Variants in LY86 observed in about 807,000 individuals in gnomAD.
The protein encoded by LY86 is lymphocyte antigen 86, also known as MD-1, RP105-associated.
In LY86, 20 loss-of-function variants were observed where a neutral mutation model predicts 17.3. The observed-to-expected ratio is 1.15, with a 90% CI of 0.81 to 1.68. The LOEUF is 1.68. Among genes scored for constraint, LY86 ranks in the 40% most tolerant of loss-of-function variants. The pLI is 0.00. For missense variants in LY86, 200 were observed against 191.9 expected (o/e 1.04, Z -0.25); for synonymous variants, 74 against 70.6 (o/e 1.05, Z -0.24).
intron 1 of LY86, among the ~76,000 whole-genome samples, chr6:6,606,600 G>A (rs903145806): frequency 6.6e-6 from 1 of 152,216 alleles, no homozygotes; most frequent in African/African-American, 2.4e-5. Flanking sequence ...CGGGCTGCAG[G>A]TCCCTAGCCC....
At position 6,654,934 on chromosome 6, in the gene LY86, T is replaced by G; in HGVS notation, c.*307T>G. 1 of 322,966 alleles carries G rather than the reference T, an allele frequency of 3.1e-6. No homozygotes were observed. Among genetic ancestry groups the G allele is most frequent in the Non-Finnish European group, 5.7e-6 (1 of 176,832 alleles). The allele number at this position is 322,966 out of a possible 1,614,324, so 20.0% of individuals were successfully genotyped here. A position where few individuals can be genotyped will look rare whatever the true frequency, so the allele number is the denominator to read the frequency against. On this transcript the variant is annotated 3_prime_UTR_variant, in exon 5 of 5. Coordinates refer to ENST00000230568, the MANE Select transcript of LY86 (RefSeq NM_004271.4). ...CCAGACTCACCTGCTTTTCAACTTTTTAGGAGTGCTTCCTCACAGTTACCA... is the reference window on the plus strand; with the variant it reads ...CCAGACTCACCTGCTTTTCAACTTTGTAGGAGTGCTTCCTCACAGTTACCA...
At chr6:6,614,377 C>CTTTTTTT (rs57187485) in intron 1 of LY86, among the ~76,000 whole-genome samples, 2 of 145,598 alleles carry the variant, frequency 1.4e-5, no homozygotes, top group Non-Finnish European at 1.5e-5. Flanking sequence ...AATCACGTCT[C>CTTTTTTT]TTTTTTTTTT....
At chr6:6,636,198 A>C (rs1392546671) in intron 3 of LY86, among the ~76,000 whole-genome samples, 1 of 152,210 alleles carries the variant, frequency 6.6e-6, no homozygotes, top group East Asian at 1.9e-4. Flanking sequence ...GGTTATGCAC[A>C]AGATTTGAAG....
At chr6:6,628,803 C>T (rs1318644014) in intron 3 of LY86, among the ~76,000 whole-genome samples, 1 of 152,232 alleles carries the variant, frequency 6.6e-6, no homozygotes, top group Non-Finnish European at 1.5e-5. Flanking sequence ...ACAATAGATA[C>T]TTGTTTTATT....
At position 6,624,875 on chromosome 6, in the gene LY86, T is replaced by C. The variant is rs371700147; in HGVS notation, c.137-51T>C. 10 of 830,508 alleles carry C rather than the reference T, an allele frequency of 1.2e-5. No individual in the cohort carries two copies. In the African/African-American group the frequency reaches 1.4e-4, roughly 12 times the overall value. The allele number at this position is 830,508 out of a possible 1,614,324, so 51.4% of individuals were successfully genotyped here. ...TATTGTTGCAAATTTTGAATATGTT[T>C]GCAAAATATACGATGTACTCGCAAC... is the stretch of plus-strand genomic sequence containing the variant. On this transcript the variant is annotated intron_variant, in intron 1 of 4. Coordinates refer to ENST00000230568, the MANE Select transcript of LY86 (RefSeq NM_004271.4).
intron 1 of LY86, among the ~76,000 whole-genome samples, chr6:6,594,371 T>C (rs1760635206): frequency 6.6e-6 from 1 of 152,238 alleles, no homozygotes; most frequent in South Asian, 2.1e-4. Context: ...ATGGAAATTA[T>C]CTGAAATTCA....
chr6:6,610,067 A>G lies in LY86; in HGVS notation c.137-14859A>G, dbSNP rs999986479. Among the ~76,000 whole-genome samples, 3 of 152,296 alleles carry G rather than the reference A, an allele frequency of 2.0e-5. No individual in the cohort carries two copies. The East Asian group carries it at 5.8e-4, about 29-fold the overall frequency. Reference sequence around the variant, plus strand: ...CTCCCAAAGTGTTGGAATTACACACATGAGCCACCACGCCCAGCCAGGATC... The same window carrying G: ...CTCCCAAAGTGTTGGAATTACACACGTGAGCCACCACGCCCAGCCAGGATC... On this transcript the variant is annotated intron_variant, in intron 1 of 4. Transcript: ENST00000230568.
intron 1 of LY86, among the ~76,000 whole-genome samples, chr6:6,620,080 A>G (rs1409802731): frequency 2.6e-5 from 4 of 152,158 alleles, no homozygotes; most frequent in African/African-American, 9.7e-5. Context: ...GAGGAAGACC[A>G]ATTTCTAACC....
chr6:6,624,258 G>C (rs1761738532), intron 1 of LY86, among the ~76,000 whole-genome samples: 1 of 152,114 alleles, frequency 6.6e-6, no homozygotes, highest in Non-Finnish European at 1.5e-5. Context: ...TAAGCCATTG[G>C]AGCTTTGTGA....
At chr6:6,605,855 G>C (rs527296340) in intron 1 of LY86, among the ~76,000 whole-genome samples, 1 of 151,720 alleles carries the variant, frequency 6.6e-6, no homozygotes, top group Non-Finnish European at 1.5e-5. Flanking sequence ...AGCTCTTAAG[G>C]GGGCATCTGG....
chr6:6,628,992 G>C (rs1248894744), intron 3 of LY86, among the ~76,000 whole-genome samples: 5 of 152,190 alleles, frequency 3.3e-5, no homozygotes, highest in African/African-American at 1.2e-4. Flanking sequence ...CCTGCGTATG[G>C]TTTTAATAGG....
At chr6:6,600,554 C>T (rs1286839289) in intron 1 of LY86, among the ~76,000 whole-genome samples, 1 of 122,980 alleles carries the variant, frequency 8.1e-6, no homozygotes, top group Non-Finnish European at 1.6e-5. Context: ...TGCACCATTG[C>T]ACTCCAGCCT....
rs1449646631 is a variant in LY86, at chr6:6,654,596, C to A, written c.458C>A (p.Ala153Asp). Residue 153 changes from alanine (A) to aspartate (D), a missense_variant, in exon 5 of 5, where the codon GCC becomes GAC. Physicochemically the swap from Ala to Asp is moderately radical, Grantham distance 126 (BLOSUM62 -2). Transcript: ENST00000230568. Reference sequence around the variant, plus strand: ...TACACTGAAAAACGGTCCACCGTGGCCTGTGCCAATGCTACTATCATGTGC... The same window carrying A: ...TACACTGAAAAACGGTCCACCGTGGACTGTGCCAATGCTACTATCATGTGC... ...ELYTEKRSTVACANATIMCS is the reference protein window; with the variant it reads ...ELYTEKRSTVDCANATIMCS The A allele has an allele frequency of 1.2e-6, 2 of 1,614,092 alleles. No individual in the cohort carries two copies. The highest frequency in any genetic ancestry group is 2.7e-5 in the African/African-American group (2 of 74,936).
chr6:6,606,063 C>G (rs112266968), intron 1 of LY86, among the ~76,000 whole-genome samples: 187 of 152,288 alleles, frequency 1.2e-3, no homozygotes, highest in African/African-American at 4.2e-3. Context: ...GCTGCTAGCG[C>G]GGGCAGCCTG....
At chr6:6,610,447 G>T (rs966551554) in intron 1 of LY86, among the ~76,000 whole-genome samples, 3 of 152,200 alleles carry the variant, frequency 2.0e-5, no homozygotes, top group African/African-American at 7.2e-5. Context: ...CACTGCCCTG[G>T]CCTCTGGGGC....
chr6:6,635,665 C>T (rs1761949344), intron 3 of LY86, among the ~76,000 whole-genome samples: 1 of 152,180 alleles, frequency 6.6e-6, no homozygotes, highest in African/African-American at 2.4e-5. Context: ...CTTTCCATCC[C>T]CGCACTTCAT....
chr6:6,617,675 C>T (rs1761586180), intron 1 of LY86, among the ~76,000 whole-genome samples: 1 of 152,182 alleles, frequency 6.6e-6, no homozygotes, highest in Non-Finnish European at 1.5e-5. Context: ...ATTGCATCCT[C>T]CAGCCACTAA....
intron 3 of LY86, among the ~76,000 whole-genome samples, chr6:6,645,071 G>A (rs369851926): frequency 5.9e-5 from 9 of 151,904 alleles, no homozygotes; most frequent in African/African-American, 2.2e-4. Context: ...GCAAACCCCG[G>A]GAGCATTAAA....
intron 1 of LY86, among the ~76,000 whole-genome samples, chr6:6,616,175 G>A (rs781154535): frequency 1.3e-5 from 2 of 152,244 alleles, no homozygotes; most frequent in South Asian, 2.1e-4. Context: ...CAGCACCTTC[G>A]CAGAGTGACA....
Sources: allele counts gnomAD v4.1 joint callset (sites outside exome capture counted in the v4.1 genomes callset), GRCh38; gene constraint gnomAD v4.1.1; transcripts MANE v1.5; gene names NCBI Gene and HGNC (gene_info 2026-07-23, HGNC 2026-07-21).